AP3S1: variants seen among roughly 807,000 people sequenced by gnomAD.
The protein encoded by AP3S1 is AP-3 complex subunit sigma-1.
A neutral mutation model predicts 21.3 loss-of-function variants in AP3S1; 12 were observed. The observed-to-expected ratio is 0.56, with a 90% confidence interval of 0.36 to 0.91. The LOEUF (loss-of-function observed/expected upper bound fraction) is 0.91. Ranked by LOEUF, AP3S1 falls within the 40% of genes least tolerant of loss-of-function variation. The pLI, the probability that AP3S1 is intolerant of heterozygous loss-of-function variation, is 0.01. For synonymous variants in AP3S1, 48 were observed against 78.4 expected (o/e 0.61, Z 2.05); for missense variants, 116 against 225.0 (o/e 0.52, Z 3.10).
intron 4 of AP3S1, among the ~76,000 whole-genome samples, chr5:115,897,706 C>T (rs1193918092): frequency 6.6e-6 from 1 of 151,906 alleles, no homozygotes; most frequent in Non-Finnish European, 1.5e-5. Context: ...ACTACAGGCA[C>T]CCGCCACCAC....
chr5:115,861,865 C>CTTTTTT (rs113923492), intron 1 of AP3S1, among the ~76,000 whole-genome samples: 47 of 110,586 alleles, frequency 4.3e-4, no homozygotes, highest in Non-Finnish European at 5.2e-4. Context: ...CTTTTCTTTT[C>CTTTTTT]TTTTTTTTTT....
chr5:115,855,870 G>C (rs760809389), intron 1 of AP3S1, among the ~76,000 whole-genome samples: 1 of 151,872 alleles, frequency 6.6e-6, no homozygotes, highest in Non-Finnish European at 1.5e-5. Flanking sequence ...GAATGATGAG[G>C]ATGGGAGATG....
At chr5:115,874,542 T>G (rs1427286297) in intron 3 of AP3S1, among the ~76,000 whole-genome samples, 1 of 152,050 alleles carries the variant, frequency 6.6e-6, no homozygotes, top group Non-Finnish European at 1.5e-5. Flanking sequence ...GTAGCTAGAT[T>G]AAAAAAACAA....
intron 5 of AP3S1, chr5:115,908,939 T>C (rs1178614132): frequency 1.0e-6 from 1 of 961,346 alleles, no homozygotes; most frequent in Non-Finnish European, 1.2e-6. Flanking sequence ...CCATTTAATA[T>C]TGTGTTTATT....
At chr5:115,860,608 G>A (rs756307109) in intron 1 of AP3S1, among the ~76,000 whole-genome samples, 1 of 152,136 alleles carries the variant, frequency 6.6e-6, no homozygotes, top group Non-Finnish European at 1.5e-5. Flanking sequence ...TTTTTGCCTA[G>A]TTTGTGACAC....
chr5:115,869,788 A>T (rs1390970529), intron 2 of AP3S1, among the ~76,000 whole-genome samples: 1 of 152,224 alleles, frequency 6.6e-6, no homozygotes, highest in Non-Finnish European at 1.5e-5. Flanking sequence ...AGAATAGTTT[A>T]ATGAATGAAT....
intron 4 of AP3S1, 124 bp from the exon 5 acceptor site, chr5:115,902,761 C>T: frequency 1.2e-5 from 7 of 602,284 alleles, no homozygotes; most frequent in Non-Finnish European, 2.0e-5. Flanking sequence ...AGCCCTTACT[C>T]CAAGTTGTTT....
At chr5:115,884,786 G>A (rs1238548974) in intron 3 of AP3S1, among the ~76,000 whole-genome samples, 2 of 151,864 alleles carry the variant, frequency 1.3e-5, no homozygotes, top group East Asian at 3.9e-4. Context: ...AATTTTTCTG[G>A]GTTAAAAAAT....
intron 1 of AP3S1, among the ~76,000 whole-genome samples, chr5:115,849,100 A>G (rs1333761804): frequency 1.3e-5 from 2 of 152,212 alleles, no homozygotes; most frequent in African/African-American, 4.8e-5. Context: ...TCAAGTATTT[A>G]TTTGTTGTTT....
chr5:115,873,628 T>G (rs1392962657), intron 3 of AP3S1, among the ~76,000 whole-genome samples: 1 of 152,070 alleles, frequency 6.6e-6, no homozygotes, highest in Admixed American at 6.6e-5. Context: ...CACACATGAG[T>G]CAGTCACTTT....
At position 115,895,075 on chromosome 5, in the gene AP3S1, CT is replaced by C; in HGVS notation, c.274-7del. On this transcript the variant is annotated splice_polypyrimidine_tract_variant and intron_variant, in intron 3 of 5. Coordinates refer to ENST00000316788, the MANE Select transcript of AP3S1 (RefSeq NM_001284.4). ...TTAAACAGTTCTTAAAACCTTTTTT[CT>C]TTTTCCATAGGTATTTGTGGAAACA... is the stretch of plus-strand genomic sequence containing the variant. 1.3e-6 allele frequency: 2 copies of C among 1,573,772 alleles called. No homozygotes were observed. The highest frequency in any genetic ancestry group is 1.2e-5 in the South Asian group (1 of 84,956).
intron 3 of AP3S1, among the ~76,000 whole-genome samples, chr5:115,894,850 T>TC (rs1316510454): frequency 6.6e-6 from 1 of 152,140 alleles, no homozygotes; most frequent in East Asian, 1.9e-4. Context: ...CTAGTTTTAG[T>TC]CCTTTTCAAA....
intron 1 of AP3S1, among the ~76,000 whole-genome samples, chr5:115,849,076 C>T (rs905598305): frequency 6.6e-6 from 1 of 152,272 alleles, no homozygotes; most frequent in African/African-American, 2.4e-5. Context: ...TTCTCTTTTC[C>T]TGTCCATATT....
chr5:115,900,052 A>G (rs1308513814), intron 4 of AP3S1, among the ~76,000 whole-genome samples: 1 of 151,982 alleles, frequency 6.6e-6, no homozygotes, highest in African/African-American at 2.4e-5. Context: ...AACTTAAAAT[A>G]TTGGGAGAAA....
chr5:115,843,858 A>T (rs568678353), intron 1 of AP3S1, among the ~76,000 whole-genome samples: 66 of 152,320 alleles, frequency 4.3e-4, no homozygotes, highest in African/African-American at 1.5e-3. Context: ...GAACAGAAGT[A>T]TTGTTTACCA....
chr5:115,909,002 T>C (rs74531898), intron 5 of AP3S1: 2 of 984,494 alleles, frequency 2.0e-6, no homozygotes, highest in East Asian at 1.1e-4. Flanking sequence ...AATGTGCATA[T>C]AGCAACTTCC....
At chr5:115,870,815 A>C (rs548034952) in intron 3 of AP3S1, among the ~76,000 whole-genome samples, 1 of 152,314 alleles carries the variant, frequency 6.6e-6, no homozygotes, top group East Asian at 1.9e-4. Context: ...GATTTGCTCT[A>C]CTTGCAAACT....
At chr5:115,895,599 AAAC>A (rs1220430160) in intron 4 of AP3S1, among the ~76,000 whole-genome samples, 22 of 152,354 alleles carry the variant, frequency 1.4e-4, no homozygotes, top group African/African-American at 4.8e-4. Context: ...GCCTAGTTTA[AAAC>A]AACCATTAAT....
chr5:115,905,676 C>T (rs888497070), intron 5 of AP3S1, among the ~76,000 whole-genome samples: 1 of 152,150 alleles, frequency 6.6e-6, no homozygotes, highest in African/African-American at 2.4e-5. Flanking sequence ...TGAAAGGCTT[C>T]TAGCTTTATT....
Sources: allele counts gnomAD v4.1 joint callset (sites outside exome capture counted in the v4.1 genomes callset), GRCh38; gene constraint gnomAD v4.1.1; transcripts MANE v1.5; gene names NCBI Gene and HGNC (gene_info 2026-07-23, HGNC 2026-07-21).